Variants in DENND1A observed in about 807,000 individuals in gnomAD.
DENND1A encodes DENN domain containing 1A.
DENND1A carries 51 observed loss-of-function variants against 113.7 expected under a neutral mutation model. The ratio of observed to expected loss-of-function variants is 0.45; its 90% CI spans 0.36 to 0.57. The LOEUF is 0.57. Among genes scored for constraint, DENND1A ranks in the 20% least tolerant of loss-of-function variants. The pLI, the probability that DENND1A is intolerant of heterozygous loss-of-function variation, is 0.00. For synonymous variants in DENND1A, 565 were observed against 570.8 expected (o/e 0.99, Z 0.14); for missense variants, 1,258 against 1,395.9 (o/e 0.90, Z 1.57).
chr9:123,707,233 A>G (rs935395776), intron 5 of DENND1A, among the ~76,000 whole-genome samples: 2 of 152,052 alleles, frequency 1.3e-5, no homozygotes, highest in African/African-American at 4.8e-5. Context: ...CGTCTCTACT[A>G]AAAATACAAA....
intron 2 of DENND1A, among the ~76,000 whole-genome samples, chr9:123,841,813 T>C (rs1564372140): frequency 6.6e-6 from 1 of 152,238 alleles, no homozygotes; most frequent in East Asian, 1.9e-4. Flanking sequence ...TTCTGATATA[T>C]TGAATATAGA....
chr9:123,517,266 A>C (rs1013102360), intron 13 of DENND1A, among the ~76,000 whole-genome samples: 16 of 145,764 alleles, frequency 1.1e-4, no homozygotes, highest in East Asian at 1.0e-3. Context: ...AAAAAAAAAA[A>C]CAAAAAACCC....
intron 13 of DENND1A, among the ~76,000 whole-genome samples, chr9:123,543,593 C>T (rs1195512753): frequency 1.3e-5 from 2 of 152,204 alleles, no homozygotes; most frequent in African/African-American, 2.4e-5. Flanking sequence ...CCTTCTGTCC[C>T]TGCTCCAGCC....
At chr9:123,436,202 G>T (rs921176126) in intron 19 of DENND1A, among the ~76,000 whole-genome samples, 3 of 152,224 alleles carry the variant, frequency 2.0e-5, no homozygotes, top group Non-Finnish European at 4.4e-5. Flanking sequence ...GGAAGAGGAA[G>T]AATGCCTTCC....
chr9:123,817,591 C>T (rs1837705219), intron 2 of DENND1A, among the ~76,000 whole-genome samples: 1 of 152,072 alleles, frequency 6.6e-6, no homozygotes, highest in African/African-American at 2.4e-5. Flanking sequence ...GACCTCAGAA[C>T]GTTAACTTAA....
At chr9:123,553,714 G>A (rs150367251) in intron 13 of DENND1A, among the ~76,000 whole-genome samples, 7 of 152,242 alleles carry the variant, frequency 4.6e-5, no homozygotes, top group African/African-American at 7.2e-5. Flanking sequence ...CTCACCTTGC[G>A]ACGATAGGAT....
chr9:123,395,936 G>A (rs2043106517), intron 21 of DENND1A, among the ~76,000 whole-genome samples: 1 of 152,090 alleles, frequency 6.6e-6, no homozygotes, highest in South Asian at 2.1e-4. Flanking sequence ...AGGAGTTGGA[G>A]AGTCAAAGCT....
chr9:123,385,645 AG>A (rs1339247851), intron 22 of DENND1A, among the ~76,000 whole-genome samples: 1 of 152,238 alleles, frequency 6.6e-6, no homozygotes, highest in Non-Finnish European at 1.5e-5. Flanking sequence ...AGTGATGGGC[AG>A]GGACTCCATC....
intron 13 of DENND1A, among the ~76,000 whole-genome samples, chr9:123,481,785 T>TTTTC (rs1269509856): frequency 9.9e-5 from 15 of 151,096 alleles, no homozygotes; most frequent in Middle Eastern, 3.4e-3. Context: ...ATATTGTCTT[T>TTTTC]TTTCTTTCTT....
chr9:123,421,862 T>C (rs903061947), intron 19 of DENND1A, among the ~76,000 whole-genome samples: 1 of 152,186 alleles, frequency 6.6e-6, no homozygotes, highest in Non-Finnish European at 1.5e-5. Context: ...GTCCCCAGCA[T>C]GCCATTCAAG....
chr9:123,588,075 C>T (rs1042613513), intron 11 of DENND1A, among the ~76,000 whole-genome samples: 19 of 151,898 alleles, frequency 1.3e-4, no homozygotes, highest in Middle Eastern at 6.8e-3. Context: ...GTCAGGAGTT[C>T]GAGACCAGCC....
chr9:123,813,798 C>T (rs1312263992), intron 2 of DENND1A, among the ~76,000 whole-genome samples: 1 of 151,626 alleles, frequency 6.6e-6, no homozygotes, highest in Non-Finnish European at 1.5e-5. Context: ...GAGTTTCGTG[C>T]AGACTCACAA....
At chr9:123,814,552 A>C (rs956170093) in intron 2 of DENND1A, among the ~76,000 whole-genome samples, 1 of 152,190 alleles carries the variant, frequency 6.6e-6, no homozygotes, top group Non-Finnish European at 1.5e-5. Flanking sequence ...AATTAGACAC[A>C]GTATGAGGTT....
intron 12 of DENND1A, among the ~76,000 whole-genome samples, chr9:123,567,910 T>C (rs1031307603): frequency 6.6e-6 from 1 of 152,132 alleles, no homozygotes; most frequent in African/African-American, 2.4e-5. Flanking sequence ...TTCACAAAAC[T>C]CTAAGAAAAC....
intron 5 of DENND1A, among the ~76,000 whole-genome samples, chr9:123,728,197 G>GC (rs1227869646): frequency 1.3e-5 from 2 of 151,614 alleles, no homozygotes; most frequent in African/African-American, 2.4e-5. Context: ...TATCTTTGCA[G>GC]CTGGGCGCAG....
chr9:123,733,013 C>T (rs937350508), intron 5 of DENND1A, among the ~76,000 whole-genome samples: 1 of 152,150 alleles, frequency 6.6e-6, no homozygotes, highest in African/African-American at 2.4e-5. Context: ...GGGAGTTTTG[C>T]TCTTGTTGCC....
At chr9:123,620,212 T>A (rs1398816241) in intron 10 of DENND1A, among the ~76,000 whole-genome samples, 3 of 12,890 alleles carry the variant, frequency 2.3e-4, no homozygotes, top group East Asian at 1.4e-3. Flanking sequence ...AGACTCCATC[T>A]CAAAAAAAAA....
At chr9:123,384,699 G>A (rs2042465511) in intron 22 of DENND1A, among the ~76,000 whole-genome samples, 1 of 152,202 alleles carries the variant, frequency 6.6e-6, no homozygotes. Context: ...TGTAATCCCA[G>A]CACTTTGGGA....
intron 12 of DENND1A, among the ~76,000 whole-genome samples, chr9:123,566,204 TA>T (rs1378438113): frequency 1.3e-5 from 2 of 152,244 alleles, no homozygotes; most frequent in African/African-American, 4.8e-5. Flanking sequence ...GATACTGGTT[TA>T]TTTTTTCCCT....
Sources: allele counts gnomAD v4.1 joint callset (sites outside exome capture counted in the v4.1 genomes callset), GRCh38; gene constraint gnomAD v4.1.1; transcripts MANE v1.5; gene names NCBI Gene and HGNC (gene_info 2026-07-23, HGNC 2026-07-21).